The following DGKB variants were observed in gnomAD, a reference collection of about 807,000 sequenced individuals.
DGKB encodes 90 kDa diacylglycerol kinase.
In DGKB, 67 loss-of-function variants were observed where a neutral mutation model predicts 114.3. The observed-to-expected ratio is 0.59, with a 90% confidence interval of 0.48 to 0.72. The LOEUF is 0.72. DGKB is among the 30% of genes least tolerant of loss of function. The probability of loss-of-function intolerance (pLI) is 0.00; values close to 1 mark genes in which losing one functional copy is unlikely to be tolerated. For missense variants in DGKB, 907 were observed against 975.2 expected, an observed-to-expected ratio of 0.93 and a Z score of 0.93; for synonymous variants, 398 against 323.1, an observed-to-expected ratio of 1.23 and a Z score of -2.49.
At position 14,149,848 on chromosome 7, in the gene DGKB, A is replaced by T. The variant is rs2128209766; in HGVS notation, c.2305-610T>A. The stretch of plus-strand genomic sequence containing the variant: ...ATTAATTGGTAATATAATAGAATCA[A>T]ATATTGAAAAGCCTGCTTAAAACAC... On this transcript the variant is annotated intron_variant, in intron 25 of 25. Transcript: ENST00000402815. Among the ~76,000 whole-genome samples, 5 of 152,300 alleles carry T rather than the reference A, an allele frequency of 3.3e-5. No homozygotes were observed. In the Middle Eastern group the frequency reaches 0.014, roughly 414 times the overall value.
intron 17 of DGKB, among the ~76,000 whole-genome samples, chr7:14,600,762 T>G (rs1304322084): frequency 2.0e-5 from 3 of 152,198 alleles, no homozygotes; most frequent in East Asian, 3.9e-4. Context: ...AAAACCCTCT[T>G]TGACGATGTG....
At chr7:14,332,798 C>T (rs2128560250) in intron 23 of DGKB, among the ~76,000 whole-genome samples, 1 of 152,200 alleles carries the variant, frequency 6.6e-6, no homozygotes. Flanking sequence ...AAAAGAGTAT[C>T]ATTGTTAAAT....
At chr7:14,162,573 A>T (rs1275436579) in intron 25 of DGKB, among the ~76,000 whole-genome samples, 1 of 152,198 alleles carries the variant, frequency 6.6e-6, no homozygotes, top group African/African-American at 2.4e-5. Context: ...GAATATGATT[A>T]TGAGAGATAT....
intron 25 of DGKB, among the ~76,000 whole-genome samples, chr7:14,151,218 T>C (rs1051715759): frequency 2.0e-5 from 3 of 152,052 alleles, no homozygotes; most frequent in East Asian, 1.9e-4. Context: ...CTGGACTAAA[T>C]GCTTTACACG....
chr7:14,250,744 G>A lies in DGKB; in HGVS notation c.2123-72593C>T, dbSNP rs143795066. On this transcript the variant is annotated intron_variant, in intron 23 of 25. Coordinates refer to ENST00000402815, the MANE Select transcript of DGKB (RefSeq NM_001350709.2). ...TAATGGGGTATTGAAGTCCCCTACC[G>A]TTATTGCATTGTGGTTTATTTCTCC... Among the ~76,000 whole-genome samples the A allele has an allele frequency of 9.2e-5, 14 of 152,142 alleles. No homozygotes were observed. The East Asian group carries it at 9.7e-4, about 11-fold the overall frequency.
At chr7:14,754,578 G>C (rs201430594) in intron 3 of DGKB, among the ~76,000 whole-genome samples, 247 of 149,614 alleles carry the variant, frequency 1.7e-3, no homozygotes, top group Non-Finnish European at 3.2e-3. Context: ...AAGATCAAAA[G>C]AAAAAAAAAA....
chr7:14,818,060 G>C (rs1283719695), intron 2 of DGKB, among the ~76,000 whole-genome samples: 2 of 151,976 alleles, frequency 1.3e-5, no homozygotes, highest in Non-Finnish European at 2.9e-5. Flanking sequence ...TTTTCTCTTG[G>C]GTACACAAAT....
At chr7:14,443,686 T>C (rs895380651) in intron 21 of DGKB, among the ~76,000 whole-genome samples, 4 of 152,080 alleles carry the variant, frequency 2.6e-5, no homozygotes, top group Non-Finnish European at 5.9e-5. Context: ...TCATTCTCTC[T>C]TTTTCTCTCC....
At chr7:14,416,683 T>G (rs1018494002) in intron 21 of DGKB, among the ~76,000 whole-genome samples, 1 of 152,142 alleles carries the variant, frequency 6.6e-6, no homozygotes, top group African/African-American at 2.4e-5. Context: ...TCTTGTGTGC[T>G]GCCACGTAAG....
chr7:14,698,244 G>T, intron 7 of DGKB, 75 bp from the exon 8 acceptor site: 1 of 936,792 alleles, frequency 1.1e-6, no homozygotes, highest in Non-Finnish European at 1.6e-6. Context: ...TGCAGAAATT[G>T]TTTTGTTCAA....
At chr7:14,588,634 T>A (rs183843015) in intron 17 of DGKB, among the ~76,000 whole-genome samples, 1 of 152,264 alleles carries the variant, frequency 6.6e-6, no homozygotes, top group Non-Finnish European at 1.5e-5. Flanking sequence ...GAGCACTTTT[T>A]TTCTATTTAT....
rs576683511 is a variant in DGKB, at chr7:14,201,083, A to G, written c.2123-22932T>C. Among the ~76,000 whole-genome samples the G allele has an allele frequency of 1.2e-4, 18 of 152,084 alleles. 1 individual carries two copies. Among genetic ancestry groups the G allele is most frequent in the South Asian group, 4.1e-4 (2 of 4,828 alleles). ...TAAACTGGATCGCATATAAACAACA[A>G]TGTATTTCTCACAGTTCTGGAGGCT... On this transcript the variant is annotated intron_variant, in intron 23 of 25. Coordinates refer to ENST00000402815, the MANE Select transcript of DGKB (RefSeq NM_001350709.2).
At chr7:14,729,175 T>G (rs1438758329) in intron 5 of DGKB, among the ~76,000 whole-genome samples, 1 of 140,078 alleles carries the variant, frequency 7.1e-6, no homozygotes, top group South Asian at 2.2e-4. Context: ...CAGGCTGGAG[T>G]GCAGTGGCGC....
intron 25 of DGKB, among the ~76,000 whole-genome samples, chr7:14,159,220 T>A (rs12666221): frequency 6.6e-6 from 1 of 151,942 alleles, no homozygotes; most frequent in South Asian, 2.1e-4. Flanking sequence ...GTCTTCCTTC[T>A]GAACCCTGTA....
intron 4 of DGKB, among the ~76,000 whole-genome samples, chr7:14,750,440 T>C (rs557080049): frequency 6.1e-4 from 93 of 152,304 alleles, no homozygotes; most frequent in Admixed American, 2.9e-3. Context: ...TAACCTTCGA[T>C]GTTCAAAGTA....
At chr7:14,908,209 GATTTT>G (rs1212324991), upstream of DGKB, among the ~76,000 whole-genome samples, 1 of 152,104 alleles carries the variant, frequency 6.6e-6, no homozygotes, top group African/African-American at 2.4e-5. Context: ...TACATATTGT[GATTTT>G]ATTTTATTTT....
chr7:14,392,334 G>A (rs1821448400), intron 21 of DGKB, among the ~76,000 whole-genome samples: 1 of 152,062 alleles, frequency 6.6e-6, no homozygotes, highest in Admixed American at 6.6e-5. Context: ...TACTGGATGA[G>A]GTTGCCAACA....
intron 23 of DGKB, among the ~76,000 whole-genome samples, chr7:14,308,289 A>T (rs948881098): frequency 6.6e-6 from 1 of 152,006 alleles, no homozygotes; most frequent in Admixed American, 6.6e-5. Flanking sequence ...AAATTTGGAC[A>T]TTTTCATTAT....
intron 1 of DGKB, among the ~76,000 whole-genome samples, chr7:14,936,106 C>A (rs1217706271): frequency 6.6e-6 from 1 of 152,012 alleles, no homozygotes; most frequent in Non-Finnish European, 1.5e-5. Context: ...CAATAAGGAG[C>A]CTCTGTAGGT....
Sources: allele counts gnomAD v4.1 joint callset (sites outside exome capture counted in the v4.1 genomes callset), GRCh38; gene constraint gnomAD v4.1.1; transcripts MANE v1.5; gene names NCBI Gene and HGNC (gene_info 2026-07-23, HGNC 2026-07-21).